The following TBC1D32 variants were observed in gnomAD, a reference collection of about 807,000 sequenced individuals.
The protein encoded by TBC1D32 is protein broad-minded.
TBC1D32 carries 151 observed loss-of-function variants against 170.3 expected under a neutral mutation model. The observed-to-expected ratio is 0.89, with a 90% confidence interval of 0.78 to 1.01. The LOEUF is 1.01. TBC1D32 is among the 50% of genes least tolerant of loss of function. TBC1D32 has a pLI of 0.00. For missense variants in TBC1D32, 1,464 were observed against 1,457.1 expected, an observed-to-expected ratio of 1.00 and a Z score of -0.08; for synonymous variants, 498 against 488.0, an observed-to-expected ratio of 1.02 and a Z score of -0.27.
intron 1 of TBC1D32, among the ~76,000 whole-genome samples, chr6:121,329,235 C>T (rs1473361945): frequency 2.0e-5 from 3 of 152,110 alleles, no homozygotes; most frequent in South Asian, 2.1e-4. Flanking sequence ...CTATGATAAA[C>T]TTCTGACATG....
At chr6:121,267,078 TAAA>T (rs60556893) in intron 15 of TBC1D32, among the ~76,000 whole-genome samples, 3 of 87,434 alleles carry the variant, frequency 3.4e-5, no homozygotes, top group South Asian at 3.7e-4. Flanking sequence ...AAAGTAAAAT[TAAA>T]AAAAAAAAAA....
At chr6:121,231,822 T>C (rs1315931281) in intron 20 of TBC1D32, among the ~76,000 whole-genome samples, 1 of 152,152 alleles carries the variant, frequency 6.6e-6, no homozygotes, top group East Asian at 1.9e-4. Flanking sequence ...AAATTAGTCT[T>C]TTGTCAGATG....
intron 17 of TBC1D32, among the ~76,000 whole-genome samples, chr6:121,247,175 C>A (rs1171647595): frequency 2.0e-5 from 3 of 151,950 alleles, no homozygotes; most frequent in Non-Finnish European, 2.9e-5. Flanking sequence ...TTTATAGCTC[C>A]CTTAAGCAAA....
chr6:121,114,359 T>C (rs1283751175), intron 27 of TBC1D32, among the ~76,000 whole-genome samples: 1 of 152,218 alleles, frequency 6.6e-6, no homozygotes, highest in Non-Finnish European at 1.5e-5. Flanking sequence ...ACAAATAAGA[T>C]ATTATATTGA....
intron 15 of TBC1D32, among the ~76,000 whole-genome samples, chr6:121,257,049 A>G (rs1187815685): frequency 6.6e-6 from 1 of 152,158 alleles, no homozygotes; most frequent in Non-Finnish European, 1.5e-5. Context: ...AATGGTGCGC[A>G]TTAGATTGTT....
intron 30 of TBC1D32, among the ~76,000 whole-genome samples, chr6:121,093,376 G>A (rs981487483): frequency 1.4e-4 from 22 of 152,122 alleles, no homozygotes; most frequent in African/African-American, 5.3e-4. Context: ...TTAATTGCCT[G>A]TTGCCCTGCT....
Position 121,080,797 on chromosome 6 carries a change from G to C in TBC1D32, c.3748C>G (p.Arg1250Gly), listed in dbSNP as rs564250621. 6.2e-7 allele frequency: 1 copy of C among 1,613,084 alleles called. No individual in the cohort carries two copies. Among genetic ancestry groups the C allele is most frequent in the South Asian group, 1.1e-5 (1 of 90,952 alleles). The change falls in exon 32 of 32, where the codon CGG (arginine) becomes GGG (glycine). Residue 1250 changes from arginine to glycine, a missense_variant. Physicochemically the swap from Arg to Gly is moderately radical, Grantham distance 125. Around this residue, in one of 3 missense-constraint regions of TBC1D32, gnomAD observed 97 missense variants for 102.0 expected, o/e 0.95. Coordinates refer to ENST00000398212, the MANE Select transcript of TBC1D32 (RefSeq NM_152730.6). ...NYRTVLLRDM[R>G]NIRLQST ...TATGTGCTCTGCAGTCTAATGTTCC[G>C]CATGTCTCTCAGCAGCACTGTTCGG...
At chr6:121,212,454 T>C (rs1462277134) in intron 21 of TBC1D32, among the ~76,000 whole-genome samples, 3 of 132,490 alleles carry the variant, frequency 2.3e-5, no homozygotes, top group East Asian at 3.9e-4. Context: ...ATATCTCTTT[T>C]TTTTTTTTTT....
At chr6:121,152,512 TTCTCTG>T (rs1784351027) in intron 24 of TBC1D32, among the ~76,000 whole-genome samples, 2 of 152,140 alleles carry the variant, frequency 1.3e-5, no homozygotes, top group African/African-American at 4.8e-5. Context: ...CTTTGTGGTG[TTCTCTG>T]TATTTCCTGA....
intron 9 of TBC1D32, among the ~76,000 whole-genome samples, chr6:121,300,343 A>G (rs1806275562): frequency 6.6e-6 from 1 of 152,088 alleles, no homozygotes. Context: ...GCTACTCAGG[A>G]GGCTGAGGCA....
At chr6:121,292,902 G>A (rs939126432) in intron 11 of TBC1D32, among the ~76,000 whole-genome samples, 6 of 151,624 alleles carry the variant, frequency 4.0e-5, no homozygotes, top group African/African-American at 1.4e-4. Flanking sequence ...ACAAGGGCTT[G>A]TAATAGCTGT....
chr6:121,191,486 T>C (rs564732094), intron 22 of TBC1D32, among the ~76,000 whole-genome samples: 1 of 152,206 alleles, frequency 6.6e-6, no homozygotes, highest in Non-Finnish European at 1.5e-5. Context: ...AGAAGAGAAA[T>C]AGGGAGCAGG....
At chr6:121,243,938 G>A (rs1797299949) in intron 17 of TBC1D32, among the ~76,000 whole-genome samples, 1 of 151,898 alleles carries the variant, frequency 6.6e-6, no homozygotes. Flanking sequence ...AGTTAATATA[G>A]ATTGCTTCTC....
intron 16 of TBC1D32, 38 bp downstream of exon 16, chr6:121,256,046 A>T: frequency 6.5e-7 from 1 of 1,541,614 alleles, no homozygotes; most frequent in Non-Finnish European, 8.9e-7. Context: ...TGAAATAAAG[A>T]TTTGCAGGGA....
At chr6:121,319,483 G>A (rs181891659) in intron 2 of TBC1D32, among the ~76,000 whole-genome samples, 8 of 152,232 alleles carry the variant, frequency 5.3e-5, no homozygotes, top group Admixed American at 5.2e-4. Context: ...AATTCTAGCT[G>A]GTCACAGGAC....
At chr6:121,250,804 C>G (rs1798188326) in intron 17 of TBC1D32, among the ~76,000 whole-genome samples, 1 of 151,772 alleles carries the variant, frequency 6.6e-6, no homozygotes, top group Admixed American at 6.6e-5. Flanking sequence ...ATTTTCTCTG[C>G]AGATGACATG....
intron 21 of TBC1D32, among the ~76,000 whole-genome samples, chr6:121,210,983 A>C (rs776947623): frequency 9.9e-6 from 1 of 100,718 alleles, no homozygotes; most frequent in African/African-American, 2.6e-5. Context: ...TTGTTATACG[A>C]CAATAAAAAA....
chr6:121,127,457 T>A (rs1024313693), intron 25 of TBC1D32, among the ~76,000 whole-genome samples: 2 of 152,172 alleles, frequency 1.3e-5, no homozygotes, highest in African/African-American at 4.8e-5. Flanking sequence ...ATTAAAAGTA[T>A]AAGAATCCAA....
intron 24 of TBC1D32, among the ~76,000 whole-genome samples, chr6:121,132,479 G>A (rs948044219): frequency 3.3e-5 from 5 of 151,904 alleles, no homozygotes; most frequent in African/African-American, 9.7e-5. Context: ...ACATAATTTA[G>A]TCACATTTTC....
Sources: gnomAD v4.1 joint callset for allele counts (sites outside exome capture counted in the v4.1 genomes callset) on GRCh38, gnomAD v4.1.1 for gene constraint, gnomAD v4.1.1 regional missense constraint, MANE v1.5 for transcripts, NCBI Gene and HGNC (gene_info 2026-07-23, HGNC 2026-07-21) for gene names.